TNR: variants seen among roughly 807,000 people sequenced by gnomAD.
TNR encodes tenascin-R.
In TNR, 45 loss-of-function variants were observed where a neutral mutation model predicts 150.4. The ratio of observed to expected loss-of-function variants is 0.30; its 90% CI spans 0.24 to 0.38. TNR has a LOEUF of 0.38. TNR is among the 10% of genes least tolerant of loss of function. The probability of loss-of-function intolerance (pLI) is 1.00; values close to 1 mark genes in which losing one functional copy is unlikely to be tolerated. For synonymous variants in TNR, 687 were observed against 678.4 expected, an observed-to-expected ratio of 1.01 and a Z score of -0.20; for missense variants, 1,544 against 1,759.1, an observed-to-expected ratio of 0.88 and a Z score of 2.19.
chr1:175,432,709 G>T (rs1420138223), intron 2 of TNR, among the ~76,000 whole-genome samples: 1 of 151,542 alleles, frequency 6.6e-6, no homozygotes, highest in African/African-American at 2.4e-5. Context: ...ATTGTATTAG[G>T]AGCCTAGGGG....
At chr1:175,471,741 A>G (rs1392229957) in intron 2 of TNR, among the ~76,000 whole-genome samples, 1 of 152,186 alleles carries the variant, frequency 6.6e-6, no homozygotes, top group Non-Finnish European at 1.5e-5. Flanking sequence ...TACTTAGGCC[A>G]TACTAATTTT....
chr1:175,370,419 G>A (rs1323814321), intron 9 of TNR, among the ~76,000 whole-genome samples: 1 of 131,782 alleles, frequency 7.6e-6, no homozygotes, highest in African/African-American at 2.9e-5. Flanking sequence ...AGTACAGGCC[G>A]GTCCTGGGTG....
At chr1:175,588,036 G>A (rs1558023453) in intron 1 of TNR, among the ~76,000 whole-genome samples, 1 of 152,184 alleles carries the variant, frequency 6.6e-6, no homozygotes. Context: ...CATGTAAAAG[G>A]TTACTAAGTA....
chr1:175,602,526 A>C (rs1036312552), intron 1 of TNR, among the ~76,000 whole-genome samples: 1 of 152,242 alleles, frequency 6.6e-6, no homozygotes, highest in Non-Finnish European at 1.5e-5. Flanking sequence ...CTTGTAGCAC[A>C]TTGTTCTGAT....
intron 1 of TNR, among the ~76,000 whole-genome samples, chr1:175,579,182 T>A (rs1662249342): frequency 6.9e-6 from 1 of 144,652 alleles, no homozygotes; most frequent in Non-Finnish European, 1.5e-5. Context: ...CCTTCCTTCC[T>A]TCCTTCCTTC....
Position 175,599,583 on chromosome 1 carries a change from G to A in TNR, c.-164-71214C>T, listed in dbSNP as rs1357353511. ...TAGTGTCCCGCATCAGCGGTAATGG[G>A]GCCGGCCCACCCGGAGGCAGCCCGG... On this transcript the variant is annotated intron_variant, in intron 1 of 22. Transcript: ENST00000367674. The surrounding 1 kb of genome is among the most constrained non-coding windows in gnomAD (Gnocchi z 4.7). 6.6e-6 allele frequency among the ~76,000 whole-genome samples: 1 copy of A among 152,192 alleles called. No homozygotes were observed. The highest frequency in any genetic ancestry group is 2.4e-5 in the African/African-American group (1 of 41,446).
intron 8 of TNR, among the ~76,000 whole-genome samples, chr1:175,382,950 T>G (rs1158735882): frequency 6.6e-6 from 1 of 151,402 alleles, no homozygotes; most frequent in Non-Finnish European, 1.5e-5. Context: ...AAGGTACAGG[T>G]GTCAGTAGGG....
chr1:175,412,996 T>C (rs772040596), intron 2 of TNR, among the ~76,000 whole-genome samples: 30 of 152,216 alleles, frequency 2.0e-4, no homozygotes, highest in Non-Finnish European at 4.3e-4. Flanking sequence ...CAAAGAATGC[T>C]GACTGTTCTG....
intron 1 of TNR, among the ~76,000 whole-genome samples, chr1:175,738,519 A>G (rs1005087849): frequency 2.6e-5 from 4 of 152,218 alleles, no homozygotes; most frequent in African/African-American, 9.6e-5. Flanking sequence ...GGAGGAGGAA[A>G]TGGAGAATTA....
intron 2 of TNR, among the ~76,000 whole-genome samples, chr1:175,452,369 C>T (rs932462105): frequency 6.6e-6 from 1 of 152,226 alleles, no homozygotes; most frequent in Non-Finnish European, 1.5e-5. Context: ...GTAACTTTTA[C>T]AAAGAAAATA....
chr1:175,368,060 C>G (rs1651921562), intron 9 of TNR, among the ~76,000 whole-genome samples: 1 of 152,214 alleles, frequency 6.6e-6, no homozygotes, highest in African/African-American at 2.4e-5. Context: ...CCTAGAATAT[C>G]TGGAATTCTC....
At chr1:175,409,509 C>T (rs1654111810) in intron 2 of TNR, among the ~76,000 whole-genome samples, 1 of 152,238 alleles carries the variant, frequency 6.6e-6, no homozygotes, top group East Asian at 1.9e-4. Context: ...ATACTTTAGT[C>T]GATAACTAAA....
chr1:175,652,005 CTT>C (rs968628572), intron 1 of TNR, among the ~76,000 whole-genome samples: 12 of 150,388 alleles, frequency 8.0e-5, no homozygotes, highest in Non-Finnish European at 1.5e-4. Flanking sequence ...ATATAATTCT[CTT>C]TATGATTTTA....
chr1:175,567,293 C>T (rs1346573641), intron 1 of TNR, among the ~76,000 whole-genome samples: 1 of 152,190 alleles, frequency 6.6e-6, no homozygotes. Context: ...CGAGGCATTT[C>T]CACTGGACCA....
chr1:175,613,131 T>C (rs1176089676), intron 1 of TNR, among the ~76,000 whole-genome samples: 4 of 152,204 alleles, frequency 2.6e-5, no homozygotes, highest in African/African-American at 9.6e-5. Flanking sequence ...GGAGAGACTT[T>C]GCAGGGTCTC....
intron 2 of TNR, among the ~76,000 whole-genome samples, chr1:175,437,537 C>T (rs984841173): frequency 2.0e-5 from 3 of 152,096 alleles, no homozygotes; most frequent in African/African-American, 7.2e-5. Context: ...CAGAGCAGAA[C>T]TGAAGGAAAC....
intron 1 of TNR, among the ~76,000 whole-genome samples, chr1:175,560,642 C>T (rs544423664): frequency 5.3e-5 from 8 of 152,350 alleles, no homozygotes; most frequent in Non-Finnish European, 1.2e-4. Context: ...AATAGTAATT[C>T]ATCTTAGGAT....
intron 4 of TNR, among the ~76,000 whole-genome samples, chr1:175,402,313 CAAA>C (rs149037374): frequency 4.8e-5 from 2 of 41,672 alleles, no homozygotes; most frequent in African/African-American, 1.0e-4. Context: ...GACTCCGTCT[CAAA>C]AAAAAAAAAA....
intron 2 of TNR, among the ~76,000 whole-genome samples, chr1:175,510,801 G>T (rs1396591268): frequency 6.6e-6 from 1 of 152,160 alleles, no homozygotes; most frequent in Non-Finnish European, 1.5e-5. Context: ...AGATAGCTTT[G>T]CCACAGCTTC....
Sources: allele counts gnomAD v4.1 joint callset (sites outside exome capture counted in the v4.1 genomes callset), GRCh38; gene constraint gnomAD v4.1.1; non-coding constraint Gnocchi (gnomAD v3.1); transcripts MANE v1.5; gene names NCBI Gene and HGNC (gene_info 2026-07-23, HGNC 2026-07-21).